Variants in CERS6 observed in about 807,000 individuals in gnomAD.
The protein encoded by CERS6 is LAG1 homolog, ceramide synthase 6.
A neutral mutation model predicts 56.8 loss-of-function variants in CERS6; 26 were observed. The ratio of observed to expected loss-of-function variants is 0.46; its 90% CI spans 0.34 to 0.63. The LOEUF (loss-of-function observed/expected upper bound fraction) is 0.63. Ranked by LOEUF, CERS6 falls within the 30% of genes least tolerant of loss-of-function variation. The pLI is 0.01. For synonymous variants in CERS6, 164 were observed against 173.3 expected, an observed-to-expected ratio of 0.95 and a Z score of 0.42; for missense variants, 415 against 467.5, an observed-to-expected ratio of 0.89 and a Z score of 1.04.
chr2:168,622,533 C>G (rs1684497228), intron 3 of CERS6, among the ~76,000 whole-genome samples: 1 of 152,178 alleles, frequency 6.6e-6, no homozygotes, highest in Admixed American at 6.5e-5. Flanking sequence ...TGCAAATCAT[C>G]AGACTTTCCA....
At chr2:168,661,057 G>T (rs567743565) in intron 4 of CERS6, among the ~76,000 whole-genome samples, 42 of 152,218 alleles carry the variant, frequency 2.8e-4, no homozygotes, top group African/African-American at 9.2e-4. Context: ...GAGGCGGGAG[G>T]GGGTGGGGCA....
intron 3 of CERS6, chr2:168,606,602 CTT>C (rs1352814506): frequency 1.3e-5 from 2 of 152,114 alleles, no homozygotes; most frequent in African/African-American, 4.8e-5. Flanking sequence ...TGAATTAAGA[CTT>C]TGGGGGACTG....
chr2:168,559,733 T>TTTTTTATATATATATATATATATATATA lies in CERS6; in HGVS notation c.277-1459_277-1458insTTTTTATATATATATATATATATATATA, dbSNP rs61031993. On this transcript the variant is annotated intron_variant, in intron 2 of 9. Transcript: ENST00000305747. The stretch of plus-strand genomic sequence containing the variant: ...TGCTTGAGCTGCTTTTAGAAAGGTA[T>TTTTTTATATATATATATATATATATATA]CATATATATATATATATATATTTCA... Among the ~76,000 whole-genome samples, 22 of 66,284 alleles carry TTTTTTATATATATATATATATATATATA rather than the reference T, an allele frequency of 3.3e-4. 2 individuals are homozygous for TTTTTTATATATATATATATATATATATA. Among genetic ancestry groups the TTTTTTATATATATATATATATATATATA allele is most frequent in the East Asian group, 2.8e-3 (7 of 2,476 alleles). 43.5% of individuals were successfully genotyped at this position (66,284 alleles called of 152,430 possible). A position where few individuals can be genotyped will look rare whatever the true frequency, so the allele number is the denominator to read the frequency against.
intron 4 of CERS6, among the ~76,000 whole-genome samples, chr2:168,639,044 A>T (rs1684927592): frequency 1.3e-5 from 2 of 152,100 alleles, no homozygotes; most frequent in African/African-American, 4.8e-5. Context: ...CTAGAAATAA[A>T]AAAAAAAGAA....
chr2:168,600,938 A>G (rs1173694997), intron 3 of CERS6, among the ~76,000 whole-genome samples: 1 of 152,196 alleles, frequency 6.6e-6, no homozygotes, highest in Non-Finnish European at 1.5e-5. Flanking sequence ...CCAATAAACT[A>G]CAAAATATTT....
chr2:168,556,991 C>CAAAAAA (rs71003046), intron 2 of CERS6, among the ~76,000 whole-genome samples: 6 of 82,304 alleles, frequency 7.3e-5, no homozygotes, highest in Admixed American at 1.8e-4. Context: ...CTTGTCTCTA[C>CAAAAAA]AAAAAAAAAA....
Position 168,590,741 on chromosome 2 carries a change from A to C in CERS6, c.407+29419A>C, listed in dbSNP as rs115043928. ...TGGACATTGGATTAAGCATCCTATTAATACATTGATTAACTTGTGTGATCT... is the reference window on the plus strand; with the variant it reads ...TGGACATTGGATTAAGCATCCTATTCATACATTGATTAACTTGTGTGATCT... On this transcript the variant is annotated intron_variant, in intron 3 of 9. Transcript: ENST00000305747. Among the ~76,000 whole-genome samples, 774 of 152,318 alleles carry C rather than the reference A, an allele frequency of 5.1e-3. 6 individuals are homozygous for C. The highest frequency in any genetic ancestry group is 8.7e-3 in the Non-Finnish European group (589 of 68,026).
intron 1 of CERS6, among the ~76,000 whole-genome samples, chr2:168,472,831 A>G (rs1357968940): frequency 6.6e-6 from 1 of 152,210 alleles, no homozygotes; most frequent in Non-Finnish European, 1.5e-5. Context: ...TTCCTTGAAT[A>G]TAGATGGTCT....
At chr2:168,508,233 C>A (rs1013951629) in intron 1 of CERS6, among the ~76,000 whole-genome samples, 1 of 152,152 alleles carries the variant, frequency 6.6e-6, no homozygotes, top group Non-Finnish European at 1.5e-5. Flanking sequence ...AAATGTATAA[C>A]TTTAGGGCAC....
At chr2:168,544,236 T>G (rs1695422659) in intron 1 of CERS6, among the ~76,000 whole-genome samples, 1 of 152,208 alleles carries the variant, frequency 6.6e-6, no homozygotes, top group Non-Finnish European at 1.5e-5. Flanking sequence ...CTCTGCATCC[T>G]CAGATTTTGG....
At chr2:168,507,699 C>A (rs1694704294) in intron 1 of CERS6, among the ~76,000 whole-genome samples, 1 of 152,090 alleles carries the variant, frequency 6.6e-6, no homozygotes, top group African/African-American at 2.4e-5. Flanking sequence ...CTCTCTCCAC[C>A]CACATCCAAT....
intron 3 of CERS6, among the ~76,000 whole-genome samples, chr2:168,570,362 T>G (rs12328371): frequency 0.048 from 7,258 of 152,280 alleles, 587 homozygotes; most frequent in African/African-American, 0.16. Context: ...TGATGCCCAC[T>G]GTGCCTCCAG....
intron 2 of CERS6, among the ~76,000 whole-genome samples, chr2:168,555,722 C>CTGTATGTGTGTGTGTG (rs1553491464): frequency 7.8e-5 from 11 of 141,012 alleles, no homozygotes; most frequent in African/African-American, 3.0e-4. Context: ...ATAATTGACT[C>CTGTATGTGTGTGTGTG]TGTGTGTGTG....
chr2:168,590,611 A>G (rs1290572512), intron 3 of CERS6, among the ~76,000 whole-genome samples: 1 of 152,138 alleles, frequency 6.6e-6, no homozygotes, highest in Non-Finnish European at 1.5e-5. Context: ...TAGTGAAAGC[A>G]TTTTTCAATG....
chr2:168,643,440 CCT>C (rs780063923), intron 4 of CERS6, among the ~76,000 whole-genome samples: 76 of 152,088 alleles, frequency 5.0e-4, no homozygotes, highest in Non-Finnish European at 9.7e-4. Flanking sequence ...AGAATGGACT[CCT>C]CTAGTTGATT....
intron 3 of CERS6, among the ~76,000 whole-genome samples, chr2:168,622,646 G>A (rs1194495826): frequency 1.3e-5 from 2 of 152,170 alleles, no homozygotes; most frequent in Non-Finnish European, 2.9e-5. Flanking sequence ...AGGTGAATGG[G>A]TTTGACTTAC....
chr2:168,501,639 C>CT (rs1409985929), intron 1 of CERS6, among the ~76,000 whole-genome samples: 1 of 152,198 alleles, frequency 6.6e-6, no homozygotes, highest in African/African-American at 2.4e-5. Flanking sequence ...AGTGAAATGG[C>CT]TTTAGGCCAG....
intron 2 of CERS6, among the ~76,000 whole-genome samples, chr2:168,554,879 G>T (rs1399846539): frequency 6.6e-6 from 1 of 152,088 alleles, no homozygotes; most frequent in African/African-American, 2.4e-5. Context: ...TACAATTCAT[G>T]ATGAAGATAA....
At chr2:168,688,871 C>T (rs1194097810) in intron 4 of CERS6, among the ~76,000 whole-genome samples, 1 of 152,132 alleles carries the variant, frequency 6.6e-6, no homozygotes, top group African/African-American at 2.4e-5. Flanking sequence ...GCAATGAAAG[C>T]AGATCTAGGG....
Sources: allele counts gnomAD v4.1 joint callset (sites outside exome capture counted in the v4.1 genomes callset), GRCh38; gene constraint gnomAD v4.1.1; transcripts MANE v1.5; gene names NCBI Gene and HGNC (gene_info 2026-07-23, HGNC 2026-07-21).